RPS27L: variants seen among roughly 807,000 people sequenced by gnomAD.
RPS27L encodes ribosomal protein S27 like.
Under a neutral mutation model 12.8 loss-of-function variants are expected in RPS27L, and 10 were observed. The ratio of observed to expected loss-of-function variants is 0.78; its 90% CI spans 0.48 to 1.33. The LOEUF is 1.33. RPS27L is among the 40% of genes most tolerant of loss of function. The probability of loss-of-function intolerance (pLI) is 0.00; values close to 1 mark genes in which losing one functional copy is unlikely to be tolerated. For synonymous variants in RPS27L, 26 were observed against 32.3 expected (o/e 0.81, Z 0.66); for missense variants, 81 against 97.4 (o/e 0.83, Z 0.71).
At chr15:63,154,104 C>G (rs758493752) in intron 3 of RPS27L, 44 bp from the exon 4 acceptor site, 4 of 1,510,482 alleles carry the variant, frequency 2.6e-6, no homozygotes, top group African/African-American at 1.4e-5. Flanking sequence ...TGCATTCTAC[C>G]TTTGCTATAA....
chr15:63,154,016 G>A lies in RPS27L; in HGVS notation c.*16C>T, dbSNP rs768491641. On this transcript the variant is annotated 3_prime_UTR_variant, in exon 4 of 4. Transcript: ENST00000330964. ...GAGACAACACAAAATTAAAATTCAG[G>A]AAGCTGTTTGAATCATTAGTGTTGC... The A allele has an allele frequency of 1.9e-6, 3 of 1,591,094 alleles. No individual in the cohort carries two copies. The African/African-American group carries it at 4.0e-5, about 21-fold the overall frequency.
intron 2 of RPS27L, 58 bp from the exon 3 acceptor site, chr15:63,155,789 C>T (rs1162611210): frequency 3.9e-6 from 4 of 1,015,966 alleles, no homozygotes; most frequent in Admixed American, 3.4e-5. Flanking sequence ...AGCACCTGTT[C>T]GACATTTCTG....
intron 1 of RPS27L, chr15:63,157,062 G>A: frequency 2.5e-6 from 1 of 405,584 alleles, no homozygotes; most frequent in Non-Finnish European, 4.4e-6. Flanking sequence ...GAAGGCAGAG[G>A]GGGCGAGAAA....
Position 63,153,722 on chromosome 15 carries a change from CTCTCA to C in RPS27L, c.*305_*309del. ...CTTGAGTGACAGAGCAGGACTCTCT[CTCTCA>C]AAAAAAAAAAAAAAGACACAAACTA... On this transcript the variant is annotated 3_prime_UTR_variant, in exon 4 of 4. Transcript: ENST00000330964. 4.4e-6 allele frequency: 1 copy of C among 225,768 alleles called. No homozygotes were observed. Among genetic ancestry groups the C allele is most frequent in the Non-Finnish European group, 7.9e-6 (1 of 125,998 alleles). 14.0% of individuals were successfully genotyped at this position (225,768 alleles called of 1,614,324 possible).
rs2037297058 is a variant in RPS27L, at chr15:63,151,130, T to C, written c.*2902A>G. 1 of 152,236 alleles carries C rather than the reference T, an allele frequency of 6.6e-6. No homozygotes were observed. Among genetic ancestry groups the C allele is most frequent in the South Asian group, 2.1e-4 (1 of 4,834 alleles). 9.4% of individuals were successfully genotyped at this position (152,236 alleles called of 1,614,324 possible). A position where few individuals can be genotyped will look rare whatever the true frequency, so the allele number is the denominator to read the frequency against. On this transcript the variant is annotated 3_prime_UTR_variant, in exon 4 of 4. Coordinates refer to ENST00000330964, the MANE Select transcript of RPS27L (RefSeq NM_015920.4). Reference sequence around the variant, plus strand: ...TGGCTGACCCTGAAGTTTGGGAAAGTCCTGGTGTCCTATTCAGCACTTTTC... The same window carrying C: ...TGGCTGACCCTGAAGTTTGGGAAAGCCCTGGTGTCCTATTCAGCACTTTTC...
chr15:63,157,143 C>A (rs1339850785), intron 1 of RPS27L: 1 of 565,006 alleles, frequency 1.8e-6, no homozygotes, highest in Non-Finnish European at 3.2e-6. Context: ...ACCAAGACCG[C>A]TCATAAGCTA....
chr15:63,150,650 T>A lies in RPS27L; in HGVS notation c.*3382A>T, dbSNP rs1258266040. Reference sequence around the variant, plus strand: ...TTCATTTTATTTTTAGCTTATTTATTTTTTTCTTGAGCTGGAGTCTTGCTC... The same window carrying A: ...TTCATTTTATTTTTAGCTTATTTATATTTTTCTTGAGCTGGAGTCTTGCTC... On this transcript the variant is annotated 3_prime_UTR_variant, in exon 4 of 4. Coordinates refer to ENST00000330964, the MANE Select transcript of RPS27L (RefSeq NM_015920.4). 1 of 152,224 alleles carries A rather than the reference T, an allele frequency of 6.6e-6. No homozygotes were observed. The highest frequency in any genetic ancestry group is 6.5e-5 in the Admixed American group (1 of 15,274). 9.4% of individuals were successfully genotyped at this position (152,224 alleles called of 1,614,324 possible). A position where few individuals can be genotyped will look rare whatever the true frequency, so the allele number is the denominator to read the frequency against.
In RPS27L at chr15:63,157,472, A is replaced by G. The variant is rs376352066; in HGVS notation, c.-67T>C. 1.2e-5 allele frequency: 19 copies of G among 1,590,650 alleles called. No homozygotes were observed. Among genetic ancestry groups the G allele is most frequent in the Admixed American group, 1.2e-4 (7 of 59,942 alleles). On this transcript the variant is annotated 5_prime_UTR_variant, in exon 1 of 4. Coordinates refer to ENST00000330964, the MANE Select transcript of RPS27L (RefSeq NM_015920.4). ...CCACACAGCTAGCAAGCTGCAAGCG[A>G]TCTGCGCTCGGCATCAACTTCCGGG... is the stretch of plus-strand genomic sequence containing the variant.
In RPS27L at chr15:63,153,900, G is replaced by T; in HGVS notation, c.*132C>A. 1 of 708,736 alleles carries T rather than the reference G, an allele frequency of 1.4e-6. No homozygotes were observed. Among genetic ancestry groups the T allele is most frequent in the South Asian group, 1.8e-5 (1 of 56,904 alleles). The allele number at this position is 708,736 out of a possible 1,614,324, so 43.9% of individuals were successfully genotyped here. ...TTGAAAAACTGACACCAAAATAGGA[G>T]ATTACTGCTGTATACCTTACAAAAC... On this transcript the variant is annotated 3_prime_UTR_variant, in exon 4 of 4. Transcript: ENST00000330964.
rs778697898 is a variant in RPS27L, at chr15:63,156,439, G to A, written c.89C>T (p.Ser30Phe). 14 of 1,585,084 alleles carry A rather than the reference G, an allele frequency of 8.8e-6. No homozygotes were observed. The highest frequency in any genetic ancestry group is 2.7e-5 in the African/African-American group (2 of 73,126). The change falls in exon 2 of 4, where the codon TCT becomes TTT. Residue 30 changes from serine (S) to phenylalanine (F), a missense_variant. Ser to Phe is a radical substitution (Grantham distance 155, BLOSUM62 -2). Transcript: ENST00000330964. ...TGGACATTTTACATCCATAAAGTAA[G>A]AATTTGGACTTTGTACTAGGCGTTT... The part of the protein sequence containing the change: ...KKKRLVQSPN[S>F]YFMDVKCPGC...
In RPS27L at chr15:63,156,498, C is replaced by G. The variant is rs1249646332; in HGVS notation, c.30G>C (p.Pro10=). Residue 10 remains proline (P), a synonymous_variant, in exon 2 of 4, where the codon CCG becomes CCC. Coordinates refer to ENST00000330964, the MANE Select transcript of RPS27L (RefSeq NM_015920.4). Reference sequence around the variant, plus strand: ...GTTTTTTCTTTTCCTCTTCCAAGGACGGATGTAGTAAATCTCTAGCCAACT... The same window carrying G: ...GTTTTTTCTTTTCCTCTTCCAAGGAGGGATGTAGTAAATCTCTAGCCAACT... MPLARDLLH[P]SLEEEKKKHK... The G allele has an allele frequency of 6.2e-7, 1 of 1,606,064 alleles. No individual in the cohort carries two copies. The highest frequency in any genetic ancestry group is 1.3e-5 in the African/African-American group (1 of 74,560).
chr15:63,155,828 G>T, intron 2 of RPS27L, 97 bp from the exon 3 acceptor site: 1 of 665,952 alleles, frequency 1.5e-6, no homozygotes, highest in Non-Finnish European at 2.3e-6. Context: ...AGTAACTTCA[G>T]TGCTATGAAA....
chr15:63,150,443 C>T lies in RPS27L; in HGVS notation c.*3589G>A, dbSNP rs2037293308. On this transcript the variant is annotated 3_prime_UTR_variant, in exon 4 of 4. Coordinates refer to ENST00000330964, the MANE Select transcript of RPS27L (RefSeq NM_015920.4). ...TGGGATTAGACAGTAGTAATGGTTG[C>T]ACAACCTTGTAAATATAGTAAAAAC... is the stretch of plus-strand genomic sequence containing the variant. 1 of 152,152 alleles carries T rather than the reference C, an allele frequency of 6.6e-6. No homozygotes were observed. The highest frequency in any genetic ancestry group is 1.5e-5 in the Non-Finnish European group (1 of 68,028). 9.4% of individuals were successfully genotyped at this position (152,152 alleles called of 1,614,324 possible). A position where few individuals can be genotyped will look rare whatever the true frequency, so the allele number is the denominator to read the frequency against.
chr15:63,153,671 G>A lies in RPS27L; in HGVS notation c.*361C>T, dbSNP rs755011823. On this transcript the variant is annotated 3_prime_UTR_variant, in exon 4 of 4. Transcript: ENST00000330964. Reference sequence around the variant, plus strand: ...ACCTGGGAGGCGGAGGTTGCAGTGAGCCGAGATCGCACCACTGCACTCCAG... The same window carrying A: ...ACCTGGGAGGCGGAGGTTGCAGTGAACCGAGATCGCACCACTGCACTCCAG... 1 of 185,160 alleles carries A rather than the reference G, an allele frequency of 5.4e-6. No homozygotes were observed. The highest frequency in any genetic ancestry group is 1.1e-5 in the Non-Finnish European group (1 of 91,484). 11.5% of individuals were successfully genotyped at this position (185,160 alleles called of 1,614,324 possible).
rs200386202 is a variant in RPS27L, at chr15:63,152,486, A to ATG, written c.*1545_*1546insCA. On this transcript the variant is annotated 3_prime_UTR_variant, in exon 4 of 4. Coordinates refer to ENST00000330964, the MANE Select transcript of RPS27L (RefSeq NM_015920.4). ...CATCTACATATATATGTATATATAT[A>ATG]TATTTTTTTTTTCTTTTTTTTTTTG... The ATG allele has an allele frequency of 8.0e-6, 1 of 124,944 alleles. No homozygotes were observed. Among genetic ancestry groups the ATG allele is most frequent in the African/African-American group, 2.8e-5 (1 of 35,730 alleles). 7.7% of individuals were successfully genotyped at this position (124,944 alleles called of 1,614,324 possible). A position where few individuals can be genotyped will look rare whatever the true frequency, so the allele number is the denominator to read the frequency against.
intron 1 of RPS27L, 34 bp from the exon 2 acceptor site, chr15:63,156,555 T>TA: frequency 7.7e-7 from 1 of 1,301,056 alleles, no homozygotes. Context: ...CTATTAGTTT[T>TA]AAACCACAAC....
Position 63,155,695 on chromosome 15 carries a change from T to A in RPS27L, c.152A>T (p.Gln51Leu). 6.5e-7 allele frequency: 1 copy of A among 1,546,328 alleles called. No homozygotes were observed. Among genetic ancestry groups the A allele is most frequent in the Non-Finnish European group, 8.7e-7 (1 of 1,149,576 alleles). ...ACAACCTACACAAAGAACCACTGTCTGAGCATGGCTGAAAACCGTGGTGAT... is the reference window on the plus strand; with the variant it reads ...ACAACCTACACAAAGAACCACTGTCAGAGCATGGCTGAAAACCGTGGTGAT... The part of the protein sequence containing the change: ...YKITTVFSHA[Q>L]TVVLCVGCST... The change falls in exon 3 of 4, where the codon CAG becomes CTG. Residue 51 changes from glutamine to leucine, a missense_variant. Coordinates refer to ENST00000330964, the MANE Select transcript of RPS27L (RefSeq NM_015920.4).
chr15:63,157,376 C>T (rs776180560), intron 1 of RPS27L, 24 bp downstream of exon 1: 1 of 1,614,002 alleles, frequency 6.2e-7, no homozygotes, highest in South Asian at 1.1e-5. Context: ...AAAACAAACC[C>T]GGAGCCCGAT....
chr15:63,148,852 C>CTTTTTTT lies in RPS27L; in HGVS notation c.*5173_*5179dup, dbSNP rs138519912. The CTTTTTTT allele has an allele frequency of 1.0e-4, 12 of 119,436 alleles. No individual in the cohort carries two copies. Among genetic ancestry groups the CTTTTTTT allele is most frequent in the South Asian group, 2.5e-4 (1 of 3,956 alleles). The allele number at this position is 119,436 out of a possible 1,614,324, so 7.4% of individuals were successfully genotyped here. A position where few individuals can be genotyped will look rare whatever the true frequency, so the allele number is the denominator to read the frequency against. Reference sequence around the variant, plus strand: ...CAAACACCATGACCTGATGTCATTTCTTTTTTTTTTTTTTTTTTTTTTTTC... The same window carrying CTTTTTTT: ...CAAACACCATGACCTGATGTCATTTCTTTTTTTTTTTTTTTTTTTTTTTTTTTTTTTC... On this transcript the variant is annotated 3_prime_UTR_variant, in exon 4 of 4. Coordinates refer to ENST00000330964, the MANE Select transcript of RPS27L (RefSeq NM_015920.4).
Sources: gnomAD v4.1 joint callset for allele counts on GRCh38, gnomAD v4.1.1 for gene constraint, MANE v1.5 for transcripts, NCBI Gene and HGNC (gene_info 2026-07-23, HGNC 2026-07-21) for gene names.